The following SHANK1 variants were observed in gnomAD, a reference collection of about 807,000 sequenced individuals.
SHANK1 encodes the protein SH3 and multiple ankyrin repeat domains protein 1.
Under a neutral mutation model 165.6 loss-of-function variants are expected in SHANK1, and 35 were observed. That is an observed-to-expected ratio of 0.21 (90% CI 0.16 to 0.28). SHANK1 has a LOEUF of 0.28. Ranked by LOEUF, SHANK1 falls within the 10% of genes least tolerant of loss-of-function variation. The pLI, the probability that SHANK1 is intolerant of heterozygous loss-of-function variation, is 1.00. For synonymous variants in SHANK1, 1,428 were observed against 1,384.8 expected (o/e 1.03, Z -0.69); for missense variants, 2,681 against 3,036.4 (o/e 0.88, Z 2.75).
Position 50,667,205 on chromosome 19 carries a change from C to T in SHANK1, c.4755G>A (p.Thr1585=), listed in dbSNP as rs1276014438. The change falls in exon 23 of 24, where the codon ACG becomes ACA. Residue 1585 remains threonine (T), a synonymous_variant. Coordinates refer to ENST00000293441, the MANE Select transcript of SHANK1 (RefSeq NM_016148.5). The surrounding 1 kb of genome is among the most constrained non-coding windows in gnomAD (Gnocchi z 5.7). ...NSFEKPESPL[T]PGPPHPLPDT... Reference sequence around the variant, plus strand: ...CGGGCAGCGGGTGGGGAGGCCCAGGCGTGAGGGGCGACTCTGGCTTTTCGA... The same window carrying T: ...CGGGCAGCGGGTGGGGAGGCCCAGGTGTGAGGGGCGACTCTGGCTTTTCGA... The T allele has an allele frequency of 1.4e-5, 22 of 1,576,640 alleles. No individual in the cohort carries two copies. Among genetic ancestry groups the T allele is most frequent in the Admixed American group, 1.3e-4 (7 of 55,534 alleles).
Position 50,666,527 on chromosome 19 carries a change from C to T in SHANK1, c.5433G>A (p.Val1811=). 6.3e-7 allele frequency: 1 copy of T among 1,588,352 alleles called. No individual in the cohort carries two copies. Among genetic ancestry groups the T allele is most frequent in the Non-Finnish European group, 8.5e-7 (1 of 1,170,390 alleles). ...RACSGPPTAG[V]AGGPVAVEPE... ...GCTCTACAGCCACCGGACCCCCCGC[C>T]ACGCCTGCCGTGGGGGGTCCTGAAC... The change falls in exon 23 of 24, where the codon GTG becomes GTA. Residue 1811 remains valine, a synonymous_variant. Transcript: ENST00000293441.
chr19:50,686,611 G>A lies in SHANK1; in HGVS notation c.2458+133C>T, dbSNP rs1167619287. On this transcript the variant is annotated intron_variant, in intron 20 of 23. Coordinates refer to ENST00000293441, the MANE Select transcript of SHANK1 (RefSeq NM_016148.5). The surrounding 1 kb of genome is among the most constrained non-coding windows in gnomAD (Gnocchi z 5.7). ...GCCGTCGGGAGAGGGCGGGCGGAGG[G>A]AGGGGAGGTGGGATCGCAGCCTCTC... 2.4e-6 allele frequency: 2 copies of A among 834,522 alleles called. No homozygotes were observed. The highest frequency in any genetic ancestry group is 3.8e-6 in the Non-Finnish European group (2 of 531,012). The allele number at this position is 834,522 out of a possible 1,614,324, so 51.7% of individuals were successfully genotyped here.
Position 50,687,643 on chromosome 19 carries a change from C to G in SHANK1, c.2328G>C (p.Arg776=). ...GCAGGGAGATGGTTGGGGGCGGCAG[C>G]CGCTTGGCCTGCTGGGGTGCTGAAA... ...VHKKAPQQAK[R]LPPPTISLRS... The change falls in exon 19 of 24, where the codon CGG becomes CGC. Residue 776 remains arginine, a synonymous_variant. Transcript: ENST00000293441. The G allele has an allele frequency of 6.6e-7, 1 of 1,511,210 alleles. No individual in the cohort carries two copies. Among genetic ancestry groups the G allele is most frequent in the Non-Finnish European group, 8.8e-7 (1 of 1,130,214 alleles). The allele number at this position is 1,511,210 out of a possible 1,614,324, so 93.6% of individuals were successfully genotyped here. A position where few individuals can be genotyped will look rare whatever the true frequency, so the allele number is the denominator to read the frequency against.
At chr19:50,711,348 G>A (rs1303449783) in intron 8 of SHANK1, 23 bp downstream of exon 8, 6 of 1,520,168 alleles carry the variant, frequency 3.9e-6, no homozygotes, top group Non-Finnish European at 4.5e-6. Context: ...TGAGGGGCCT[G>A]GGGTGGCCGC....
At chr19:50,687,802 G>A in intron 18 of SHANK1, 121 bp downstream of exon 18, 2 of 1,410,724 alleles carry the variant, frequency 1.4e-6, no homozygotes, top group East Asian at 2.4e-5. Context: ...CTCCCCACAA[G>A]GGTCACGGAG....
Position 50,686,639 on chromosome 19 carries a change from G to A in SHANK1, c.2458+105C>T, listed in dbSNP as rs1986347336. On this transcript the variant is annotated intron_variant, in intron 20 of 23. Coordinates refer to ENST00000293441, the MANE Select transcript of SHANK1 (RefSeq NM_016148.5). This position sits in a 1 kb window ranked among gnomAD's most constrained non-coding sequence, Gnocchi z 5.7. ...GGGAGGTGGGATCGCAGCCTCTCTG[G>A]GGCAGGAAGGTGAGGGGCGCCGTGG... The A allele has an allele frequency of 3.6e-6, 4 of 1,099,926 alleles. No homozygotes were observed. Among genetic ancestry groups the A allele is most frequent in the South Asian group, 2.7e-5 (2 of 72,930 alleles). The allele number at this position is 1,099,926 out of a possible 1,614,324, so 68.1% of individuals were successfully genotyped here. A position where few individuals can be genotyped will look rare whatever the true frequency, so the allele number is the denominator to read the frequency against.
Position 50,668,524 on chromosome 19 carries a change from C to T in SHANK1, c.3436G>A (p.Ala1146Thr), listed in dbSNP as rs777507884. The change falls in exon 23 of 24, where the codon GCG becomes ACG. Residue 1146 changes from alanine (A) to threonine (T), a missense_variant. By Grantham distance (58) the Ala-to-Thr change is moderately conservative (BLOSUM62 0). Around this residue, in one of 10 missense-constraint regions of SHANK1, gnomAD observed 1,713 missense variants for 1,630.2 expected, o/e 1.05. Coordinates refer to ENST00000293441, the MANE Select transcript of SHANK1 (RefSeq NM_016148.5). ...GGGATGGAGTTCTTCTCCGAGGGCG[C>T]GGCCACGGCGGGCGGCGGCTGCGGG... ...ASPQPPPAVA[A>T]PSEKNSIPIP... 38 of 1,348,426 alleles carry T rather than the reference C, an allele frequency of 2.8e-5. No individual in the cohort carries two copies. Among genetic ancestry groups the T allele is most frequent in the South Asian group, 9.7e-5 (4 of 41,066 alleles). The allele number at this position is 1,348,426 out of a possible 1,614,324, so 83.5% of individuals were successfully genotyped here.
At position 50,688,305 on chromosome 19, in the gene SHANK1, GTATT is replaced by G. The variant is rs1212370752; in HGVS notation, c.2173-251_2173-248del. 2.0e-5 allele frequency among the ~76,000 whole-genome samples: 3 copies of G among 151,954 alleles called. No homozygotes were observed. Among genetic ancestry groups the G allele is most frequent in the East Asian group, 3.9e-4 (2 of 5,180 alleles). On this transcript the variant is annotated intron_variant, in intron 17 of 23. Transcript: ENST00000293441. This position sits in a 1 kb window ranked among gnomAD's most constrained non-coding sequence, Gnocchi z 6.7. ...ACTTCCCCCTCCCTCCTTGTCCCCA[GTATT>G]TATTTATTTATTTACTTTTATTTTT...
rs537264515 is a variant in SHANK1 at position 50,717,991 on chromosome 19, A to G, written c.-43-1029T>C. ...GTCCGCCTCCCTTCTGTTCTCCCCC[A>G]ACTCCCACCCCAGCACCGGAAACCA... On this transcript the variant is annotated intron_variant, in intron 1 of 23. Coordinates refer to ENST00000293441, the MANE Select transcript of SHANK1 (RefSeq NM_016148.5). The surrounding 1 kb of genome is among the most constrained non-coding windows in gnomAD (Gnocchi z 5.5). Among the ~76,000 whole-genome samples the G allele has an allele frequency of 2.9e-4, 44 of 152,060 alleles. No individual in the cohort carries two copies. The South Asian group carries it at 9.1e-3, about 32-fold the overall frequency.
At chr19:50,715,782 GC>G in intron 3 of SHANK1, 52 bp from the exon 4 acceptor site, 3 of 1,545,634 alleles carry the variant, frequency 1.9e-6, no homozygotes, top group Non-Finnish European at 1.8e-6. Flanking sequence ...GGAATCAGGG[GC>G]CTGGGGAGAA....
In SHANK1 at chr19:50,667,655, G is replaced by A; in HGVS notation, c.4305C>T (p.Ala1435=). Residue 1435 remains alanine (A), a synonymous_variant, in exon 23 of 24, where the codon GCC becomes GCT. Transcript: ENST00000293441. The surrounding 1 kb of genome is among the most constrained non-coding windows in gnomAD (Gnocchi z 5.7). The stretch of plus-strand genomic sequence containing the variant: ...GGGAACGCCGGGCGGCGGGCGGGCT[G>A]GCGGGAAGGGACTTCTCCTGGCTGC... The part of the protein sequence containing the change: ...GLGSQEKSLP[A]SPPAARRSLL... 7.1e-7 allele frequency: 1 copy of A among 1,404,004 alleles called. No homozygotes were observed. The highest frequency in any genetic ancestry group is 1.6e-5 in the South Asian group (1 of 62,938). 87.0% of individuals were successfully genotyped at this position (1,404,004 alleles called of 1,614,324 possible). A position where few individuals can be genotyped will look rare whatever the true frequency, so the allele number is the denominator to read the frequency against.
intron 11 of SHANK1, 117 bp downstream of exon 11, chr19:50,703,383 G>T: frequency 1.2e-6 from 1 of 839,832 alleles, no homozygotes; most frequent in South Asian, 1.7e-5. Flanking sequence ...GTGACACTAG[G>T]GACTTGGATG....
At chr19:50,704,672 G>A (rs536686206) in intron 8 of SHANK1, among the ~76,000 whole-genome samples, 158 bp from the exon 9 acceptor site, 1 of 152,174 alleles carries the variant, frequency 6.6e-6, no homozygotes, top group Non-Finnish European at 1.5e-5. Context: ...TACGGACCAG[G>A]AGCACTTTAG....
Position 50,703,552 on chromosome 19 carries a change from A to G in SHANK1, c.1501T>C (p.Ser501Pro). The change falls in exon 11 of 24, where the codon TCC becomes CCC. Residue 501 changes from serine to proline, a missense_variant. Coordinates refer to ENST00000293441, the MANE Select transcript of SHANK1 (RefSeq NM_016148.5). ...GCGTCCTCAGGGTGCCTCCCTCGGGATGGAGAGCGGGCCCTGGCACCCCGG... is the reference window on the plus strand; with the variant it reads ...GCGTCCTCAGGGTGCCTCCCTCGGGGTGGAGAGCGGGCCCTGGCACCCCGG... ...SPRGARARSPSRGRHPEDAKR... is the reference protein window; with the variant it reads ...SPRGARARSPPRGRHPEDAKR... The G allele has an allele frequency of 6.4e-7, 1 of 1,553,094 alleles. No individual in the cohort carries two copies. The highest frequency in any genetic ancestry group is 8.7e-7 in the Non-Finnish European group (1 of 1,154,368).
At chr19:50,679,404 G>A (rs1043823124) in intron 21 of SHANK1, among the ~76,000 whole-genome samples, 5 of 152,060 alleles carry the variant, frequency 3.3e-5, no homozygotes, top group African/African-American at 1.2e-4. Context: ...GACATAAGAA[G>A]GGTCAGGGTG....
chr19:50,679,995 GAC>G (rs1986125081), intron 21 of SHANK1, among the ~76,000 whole-genome samples: 1 of 151,806 alleles, frequency 6.6e-6, no homozygotes, highest in African/African-American at 2.4e-5. Context: ...GAGATGGAGA[GAC>G]AGAGAGACAA....
chr19:50,669,043 GCCCGTCAAAGGATGCA>G lies in SHANK1; in HGVS notation c.2901_2916del (p.Ala968ProfsTer370). 2 of 892,462 alleles carry G rather than the reference GCCCGTCAAAGGATGCA, an allele frequency of 2.2e-6. No individual in the cohort carries two copies. Among genetic ancestry groups the G allele is most frequent in the Non-Finnish European group, 3.3e-6 (2 of 602,794 alleles). The allele number at this position is 892,462 out of a possible 1,614,324, so 55.3% of individuals were successfully genotyped here. On this transcript the variant is annotated frameshift_variant, in exon 23 of 24. Coordinates refer to ENST00000293441, the MANE Select transcript of SHANK1 (RefSeq NM_016148.5). LOFTEE classifies it high-confidence loss of function. ...CCCACGCGAGTGTCGGGAGGGGAGG[GCCCGTCAAAGGATGCA>G]GGGGAGGAGGCGGGGAGGGGGCCAC...
intron 4 of SHANK1, 21 bp from the exon 5 acceptor site, chr19:50,714,311 G>C (rs2089044494): frequency 6.2e-7 from 1 of 1,606,850 alleles, no homozygotes; most frequent in South Asian, 1.1e-5. Context: ...GGCAAAGAGA[G>C]AGAAGACAGG....
intron 21 of SHANK1, among the ~76,000 whole-genome samples, chr19:50,676,903 A>G (rs1284955514): frequency 3.9e-5 from 6 of 152,168 alleles, no homozygotes; most frequent in African/African-American, 1.4e-4. Flanking sequence ...AGGTAACTCA[A>G]GAGGCAGCAA....
Sources: gnomAD v4.1 joint callset for allele counts (sites outside exome capture counted in the v4.1 genomes callset) on GRCh38, gnomAD v4.1.1 for gene constraint, gnomAD v4.1.1 regional missense constraint, Gnocchi (gnomAD v3.1) non-coding constraint, MANE v1.5 for transcripts, NCBI Gene and HGNC (gene_info 2026-07-23, HGNC 2026-07-21) for gene names.